Variants in RBFOX1 observed in about 807,000 individuals in gnomAD.
RBFOX1 encodes RNA binding fox-1 homolog 1, also known as RNA binding protein fox-1 homolog 1.
Under a neutral mutation model 57.7 loss-of-function variants are expected in RBFOX1, and 8 were observed. The observed-to-expected ratio is 0.14, with a 90% CI of 0.08 to 0.25. The LOEUF is 0.25. RBFOX1 is among the 10% of genes least tolerant of loss of function. The pLI, the probability that RBFOX1 is intolerant of heterozygous loss-of-function variation, is 1.00. For synonymous variants in RBFOX1, 326 were observed against 222.4 expected (o/e 1.47, Z -4.15); for missense variants, 611 against 548.5 (o/e 1.11, Z -1.14).
intron 1 of RBFOX1, among the ~76,000 whole-genome samples, chr16:5,413,225 T>C (rs1048107640): frequency 4.6e-5 from 7 of 152,314 alleles, no homozygotes; most frequent in Middle Eastern, 6.8e-3. Context: ...TGGCATTTTC[T>C]ACCAACAGCC....
At chr16:5,500,270 C>G (rs888862295) in intron 2 of RBFOX1, among the ~76,000 whole-genome samples, 1 of 150,854 alleles carries the variant, frequency 6.6e-6, no homozygotes, top group Admixed American at 6.6e-5. Context: ...TTGCCCAGGC[C>G]GGAATGCAGT....
At chr16:7,147,617 G>C (rs2075288389) in intron 4 of RBFOX1, among the ~76,000 whole-genome samples, 1 of 152,166 alleles carries the variant, frequency 6.6e-6, no homozygotes, top group Admixed American at 6.5e-5. Context: ...ATGGCTTCCA[G>C]CTGCATTCAC....
intron 3 of RBFOX1, among the ~76,000 whole-genome samples, chr16:6,927,721 T>G (rs1210877241): frequency 9.9e-6 from 1 of 101,516 alleles, no homozygotes; most frequent in Non-Finnish European, 1.9e-5. Flanking sequence ...CAAGGCTGAT[T>G]ATAAGTCAGT....
intron 1 of RBFOX1, among the ~76,000 whole-genome samples, chr16:5,279,939 G>T (rs1279948427): frequency 1.3e-5 from 2 of 151,804 alleles, no homozygotes; most frequent in African/African-American, 4.8e-5. Flanking sequence ...TCTTTATCTT[G>T]TCTGATCACT....
At chr16:6,758,460 A>C (rs1378617667) in intron 3 of RBFOX1, among the ~76,000 whole-genome samples, 4 of 152,136 alleles carry the variant, frequency 2.6e-5, no homozygotes, top group Admixed American at 2.0e-4. Flanking sequence ...GTTTGTAGCA[A>C]AATGTTAGAC....
chr16:6,873,227 T>G (rs2061259707), intron 3 of RBFOX1, among the ~76,000 whole-genome samples: 1 of 152,156 alleles, frequency 6.6e-6, no homozygotes, highest in Non-Finnish European at 1.5e-5. Context: ...TTCATTTATG[T>G]AAATAAACGT....
At chr16:5,380,257 C>T (rs1370425666) in intron 1 of RBFOX1, among the ~76,000 whole-genome samples, 2 of 152,110 alleles carry the variant, frequency 1.3e-5, no homozygotes, top group Non-Finnish European at 2.9e-5. Context: ...GGTCGACTTT[C>T]AGTAGGTAGA....
At chr16:5,659,348 G>C (rs1018914574) in intron 3 of RBFOX1, among the ~76,000 whole-genome samples, 1 of 145,668 alleles carries the variant, frequency 6.9e-6, no homozygotes, top group Admixed American at 7.1e-5. Flanking sequence ...CTGTCGCCCA[G>C]GCTGGAGTGC....
At chr16:5,843,632 A>G (rs1032776257) in intron 3 of RBFOX1, among the ~76,000 whole-genome samples, 3 of 152,214 alleles carry the variant, frequency 2.0e-5, no homozygotes, top group Non-Finnish European at 1.5e-5. Context: ...TAGCAAACAC[A>G]TTATTATTTT....
At chr16:6,693,789 G>T (rs71392495) in intron 3 of RBFOX1, among the ~76,000 whole-genome samples, 1 of 148,138 alleles carries the variant, frequency 6.8e-6, no homozygotes, top group African/African-American at 2.5e-5. Flanking sequence ...TTCCTCCGCT[G>T]CCATCACCAC....
At chr16:6,764,240 A>T (rs950242463) in intron 3 of RBFOX1, among the ~76,000 whole-genome samples, 1 of 152,238 alleles carries the variant, frequency 6.6e-6, no homozygotes, top group Non-Finnish European at 1.5e-5. Context: ...CTGGCATGCA[A>T]ATTGGCTGGA....
intron 4 of RBFOX1, among the ~76,000 whole-genome samples, chr16:7,139,176 C>CTCTCTCTCTCTCTGTGTGTGTGTG (rs372381673): frequency 1.2e-4 from 18 of 145,908 alleles, no homozygotes; most frequent in South Asian, 6.8e-4. Context: ...CAATCTCTCT[C>CTCTCTCTCTCTCTGTGTGTGTGTG]TGTGTGTGTG....
At position 6,106,677 on chromosome 16, in the gene RBFOX1, C is replaced by CT. The variant is rs771680605; in HGVS notation, c.-127+86685_-127+86686insT. Among the ~76,000 whole-genome samples, 294 of 151,824 alleles carry CT rather than the reference C, an allele frequency of 1.9e-3. 1 individual carries two copies. Among genetic ancestry groups the CT allele is most frequent in the African/African-American group, 6.7e-3 (276 of 41,400 alleles). ...GAATTAAAATGACTCTCCTTCTTTT[C>CT]CTTTTTTTGAGACGGAGTGTCGCTC... On this transcript the variant is annotated intron_variant, in intron 1 of 15. Transcript: ENST00000550418.
intron 2 of RBFOX1, among the ~76,000 whole-genome samples, chr16:5,552,686 G>A (rs2045511024): frequency 6.6e-6 from 1 of 152,140 alleles, no homozygotes. Flanking sequence ...ACTCTATTCT[G>A]CCAGCCTTCC....
intron 3 of RBFOX1, among the ~76,000 whole-genome samples, chr16:6,826,428 G>C (rs1215479989): frequency 6.6e-6 from 1 of 152,084 alleles, no homozygotes; most frequent in East Asian, 1.9e-4. Context: ...GGGATCATTA[G>C]CACTCAAGTA....
intron 4 of RBFOX1, among the ~76,000 whole-genome samples, chr16:7,484,973 T>C (rs1352584710): frequency 1.3e-5 from 2 of 152,196 alleles, no homozygotes; most frequent in African/African-American, 4.8e-5. Flanking sequence ...AGGAAAGAGA[T>C]ACTGTCTGGG....
At chr16:5,343,554 C>T (rs967276100) in intron 1 of RBFOX1, among the ~76,000 whole-genome samples, 3 of 151,812 alleles carry the variant, frequency 2.0e-5, no homozygotes, top group African/African-American at 7.3e-5. Flanking sequence ...ATATCCTGTC[C>T]TCGTGATCTA....
At chr16:5,984,964 ATATATATATATATTT>A (rs2060252539) in intron 4 of RBFOX1, among the ~76,000 whole-genome samples, 2 of 42,044 alleles carry the variant, frequency 4.8e-5, no homozygotes, top group African/African-American at 1.8e-4. Context: ...ATATATATAT[ATATATATATATATTT>A]TTTTTTTTTT....
chr16:5,275,882 A>G (rs1400806455), intron 1 of RBFOX1, among the ~76,000 whole-genome samples: 1 of 152,210 alleles, frequency 6.6e-6, no homozygotes, highest in Non-Finnish European at 1.5e-5. Context: ...AATAAAGCCC[A>G]ATAATTAATA....
Sources: allele counts gnomAD v4.1 joint callset (sites outside exome capture counted in the v4.1 genomes callset), GRCh38; gene constraint gnomAD v4.1.1; transcripts MANE v1.5; gene names NCBI Gene and HGNC (gene_info 2026-07-23, HGNC 2026-07-21).